The following SMAD9 variants were observed in gnomAD, a reference collection of about 807,000 sequenced individuals.
SMAD9 encodes SMAD family member 9, also known as MAD homolog 9.
A neutral mutation model predicts 46.1 loss-of-function variants in SMAD9; 36 were observed. That is an observed-to-expected ratio of 0.78 (90% CI 0.60 to 1.03). The LOEUF (loss-of-function observed/expected upper bound fraction) is 1.03. Among genes scored for constraint, SMAD9 ranks in the 50% least tolerant of loss-of-function variants. The probability of loss-of-function intolerance (pLI) is 0.00; values close to 1 mark genes in which losing one functional copy is unlikely to be tolerated. For synonymous variants in SMAD9, 245 were observed against 237.1 expected (o/e 1.03, Z -0.31); for missense variants, 572 against 599.8 (o/e 0.95, Z 0.48).
intron 2 of SMAD9, among the ~76,000 whole-genome samples, chr13:36,875,629 T>C (rs1355197415): frequency 1.3e-5 from 2 of 152,212 alleles, no homozygotes; most frequent in Admixed American, 1.3e-4. Context: ...ACACAGCGAA[T>C]GTGTATGGCT....
chr13:36,886,094 ATCACTG>A (rs1262778623), intron 1 of SMAD9, among the ~76,000 whole-genome samples: 1 of 152,186 alleles, frequency 6.6e-6, no homozygotes, highest in Non-Finnish European at 1.5e-5. Context: ...TACTCACCGA[ATCACTG>A]TCACAGCTGC....
intron 2 of SMAD9, among the ~76,000 whole-genome samples, chr13:36,876,753 TA>T (rs1167098897): frequency 6.6e-6 from 1 of 152,160 alleles, no homozygotes; most frequent in Non-Finnish European, 1.5e-5. Context: ...AATGGATGGC[TA>T]AAAAATGAGA....
intron 2 of SMAD9, among the ~76,000 whole-genome samples, chr13:36,874,367 GA>G (rs2058325004): frequency 6.6e-6 from 1 of 152,156 alleles, no homozygotes; most frequent in Non-Finnish European, 1.5e-5. Flanking sequence ...ACAAAGAAAT[GA>G]GAATCAACCG....
At chr13:36,898,838 T>C (rs927238726) in intron 1 of SMAD9, among the ~76,000 whole-genome samples, 1 of 152,200 alleles carries the variant, frequency 6.6e-6, no homozygotes, top group African/African-American at 2.4e-5. Flanking sequence ...TACTGAATAC[T>C]TCTCCTAAGA....
intron 1 of SMAD9, among the ~76,000 whole-genome samples, chr13:36,880,783 A>G (rs367622460): frequency 2.0e-5 from 3 of 152,372 alleles, no homozygotes; most frequent in African/African-American, 7.2e-5. Context: ...TTGCAGTAAT[A>G]TAAAACAATA....
chr13:36,884,904 C>A (rs1178113964), intron 1 of SMAD9, among the ~76,000 whole-genome samples: 1 of 152,238 alleles, frequency 6.6e-6, no homozygotes, highest in East Asian at 1.9e-4. Context: ...CCAGGGTGCA[C>A]AATGCGCTCA....
At chr13:36,890,771 C>G (rs1432733183) in intron 1 of SMAD9, among the ~76,000 whole-genome samples, 1 of 152,006 alleles carries the variant, frequency 6.6e-6, no homozygotes, top group African/African-American at 2.4e-5. Flanking sequence ...CATGTATGCA[C>G]TCGTACCCTC....
At chr13:36,872,974 G>C in intron 2 of SMAD9, 59 bp from the exon 3 acceptor site, 1 of 1,576,018 alleles carries the variant, frequency 6.3e-7, no homozygotes, top group Non-Finnish European at 8.7e-7. Context: ...GTACACAACA[G>C]AGTGGATACT....
intron 5 of SMAD9, among the ~76,000 whole-genome samples, chr13:36,854,323 T>C (rs1368542344): frequency 1.3e-5 from 2 of 152,072 alleles, no homozygotes; most frequent in African/African-American, 4.8e-5. Context: ...GAAGTGAATA[T>C]ATCACACAAA....
At chr13:36,880,234 A>G (rs1267700412) in intron 1 of SMAD9, among the ~76,000 whole-genome samples, 1 of 152,088 alleles carries the variant, frequency 6.6e-6, no homozygotes, top group East Asian at 1.9e-4. Context: ...GACTCACCAC[A>G]CCACTTCTCT....
intron 1 of SMAD9, among the ~76,000 whole-genome samples, chr13:36,904,285 T>A (rs1047364508): frequency 5.9e-5 from 9 of 152,110 alleles, no homozygotes; most frequent in African/African-American, 2.2e-4. Context: ...CTGGTGGGAG[T>A]TAGATATGCG....
chr13:36,914,759 C>T (rs2058686378), intron 1 of SMAD9, among the ~76,000 whole-genome samples: 2 of 152,132 alleles, frequency 1.3e-5, no homozygotes, highest in Admixed American at 1.3e-4. Flanking sequence ...TGTGGTACTA[C>T]CAAGTCAGTT....
rs887325648 is a variant in SMAD9, at chr13:36,845,120, A to G, written c.*3556T>C. 6.7e-6 allele frequency: 1 copy of G among 149,976 alleles called. No homozygotes were observed. The allele number at this position is 149,976 out of a possible 1,614,324, so 9.3% of individuals were successfully genotyped here. On this transcript the variant is annotated 3_prime_UTR_variant, in exon 7 of 7. Transcript: ENST00000379826. The stretch of plus-strand genomic sequence containing the variant: ...TATATATGTGTGTGTGTGTGTATAT[A>G]TATATATATATATACACACTAAATA...
At chr13:36,917,791 A>C (rs1345111077) in intron 1 of SMAD9, among the ~76,000 whole-genome samples, 3 of 152,240 alleles carry the variant, frequency 2.0e-5, no homozygotes, top group African/African-American at 7.2e-5. Context: ...GTCAGATATA[A>C]AGTAGTTACC....
intron 1 of SMAD9, among the ~76,000 whole-genome samples, chr13:36,885,287 A>G (rs900038274): frequency 5.3e-5 from 8 of 152,180 alleles, no homozygotes; most frequent in African/African-American, 1.9e-4. Context: ...GTCCAAAAGG[A>G]CTTCTATCTA....
intron 1 of SMAD9, among the ~76,000 whole-genome samples, chr13:36,907,760 T>C (rs181259812): frequency 1.1e-3 from 169 of 152,360 alleles, no homozygotes; most frequent in South Asian, 3.5e-3. Context: ...CCAAATGTTA[T>C]AGTAATTTGC....
At chr13:36,864,737 C>T (rs1452360890) in intron 5 of SMAD9, among the ~76,000 whole-genome samples, 3 of 152,126 alleles carry the variant, frequency 2.0e-5, no homozygotes, top group African/African-American at 7.2e-5. Context: ...TATTAGAATG[C>T]ATCACCAAAT....
chr13:36,871,676 T>C (rs1249287749), intron 3 of SMAD9, among the ~76,000 whole-genome samples: 2 of 152,192 alleles, frequency 1.3e-5, no homozygotes, highest in Admixed American at 6.5e-5. Flanking sequence ...ACAGGAATTA[T>C]ATAATATAGT....
chr13:36,903,264 T>A (rs1327200719), intron 1 of SMAD9, among the ~76,000 whole-genome samples: 2 of 151,902 alleles, frequency 1.3e-5, no homozygotes, highest in African/African-American at 4.8e-5. Context: ...ATAGCTGGGA[T>A]TACGGGCACG....
Sources: gnomAD v4.1 joint callset for allele counts (sites outside exome capture counted in the v4.1 genomes callset) on GRCh38, gnomAD v4.1.1 for gene constraint, MANE v1.5 for transcripts, NCBI Gene and HGNC (gene_info 2026-07-23, HGNC 2026-07-21) for gene names.